SNTB1: variants seen among roughly 807,000 people sequenced by gnomAD.
The protein encoded by SNTB1 is beta-1-syntrophin.
Under a neutral mutation model 48.9 loss-of-function variants are expected in SNTB1, and 36 were observed. The observed-to-expected ratio is 0.74, with a 90% CI of 0.56 to 0.97. The LOEUF is 0.97. Among genes scored for constraint, SNTB1 ranks in the 50% least tolerant of loss-of-function variants. The pLI, the probability that SNTB1 is intolerant of heterozygous loss-of-function variation, is 0.00. For missense variants in SNTB1, 786 were observed against 703.4 expected (o/e 1.12, Z -1.33); for synonymous variants, 299 against 294.6 (o/e 1.01, Z -0.15).
At chr8:120,595,066 C>G (rs577785401) in intron 3 of SNTB1, among the ~76,000 whole-genome samples, 1 of 152,164 alleles carries the variant, frequency 6.6e-6, no homozygotes, top group East Asian at 1.9e-4. Context: ...CAGATGTTAA[C>G]TCTCCTTGGT....
Position 120,538,656 on chromosome 8 carries a change from A to C in SNTB1, c.*221T>G. 1.6e-6 allele frequency: 1 copy of C among 616,634 alleles called. No homozygotes were observed. The highest frequency in any genetic ancestry group is 3.0e-6 in the Non-Finnish European group (1 of 328,938). The allele number at this position is 616,634 out of a possible 1,614,324, so 38.2% of individuals were successfully genotyped here. ...CCTCTTTAACCTTGTACTGTTCTAGAAAGTTTTACTCTGATATTTCTCATG... is the reference window on the plus strand; with the variant it reads ...CCTCTTTAACCTTGTACTGTTCTAGCAAGTTTTACTCTGATATTTCTCATG... On this transcript the variant is annotated 3_prime_UTR_variant, in exon 7 of 7. Coordinates refer to ENST00000517992, the MANE Select transcript of SNTB1 (RefSeq NM_021021.4).
intron 4 of SNTB1, among the ~76,000 whole-genome samples, chr8:120,573,792 T>C (rs898341474): frequency 6.6e-6 from 1 of 152,208 alleles, no homozygotes; most frequent in East Asian, 1.9e-4. Context: ...AGAATATCCT[T>C]TCTCCATTGT....
At chr8:120,629,119 A>G (rs1816937390) in intron 3 of SNTB1, among the ~76,000 whole-genome samples, 1 of 152,208 alleles carries the variant, frequency 6.6e-6, no homozygotes, top group Non-Finnish European at 1.5e-5. Flanking sequence ...AACAAGCTGT[A>G]CTGACACAGG....
chr8:120,590,669 TGTTTTCTTTTC>T (rs1563825588), intron 3 of SNTB1, among the ~76,000 whole-genome samples: 9 of 147,488 alleles, frequency 6.1e-5, no homozygotes, highest in African/African-American at 2.3e-4. Context: ...TTCTTTCTTT[TGTTTTCTTTTC>T]TTTTCTTTTT....
chr8:120,583,171 C>A lies in SNTB1; in HGVS notation c.997-7946G>T, dbSNP rs1406616322. On this transcript the variant is annotated intron_variant, in intron 3 of 6. Coordinates refer to ENST00000517992, the MANE Select transcript of SNTB1 (RefSeq NM_021021.4). ...GGGATGTATGAAGAATTGACAAATT[C>A]ATTGAAAGACAAACTACTAAAGCAT... is the stretch of plus-strand genomic sequence containing the variant. 3.9e-5 allele frequency among the ~76,000 whole-genome samples: 6 copies of A among 151,984 alleles called. No homozygotes were observed. The South Asian group carries it at 8.3e-4, about 21-fold the overall frequency.
intron 3 of SNTB1, among the ~76,000 whole-genome samples, chr8:120,624,573 G>C (rs972471141): frequency 3.4e-4 from 51 of 152,114 alleles, no homozygotes; most frequent in African/African-American, 1.2e-3. Context: ...CATGAACTTT[G>C]GGGACATATT....
intron 2 of SNTB1, among the ~76,000 whole-genome samples, chr8:120,685,369 A>G (rs902998433): frequency 6.6e-6 from 1 of 152,190 alleles, no homozygotes; most frequent in African/African-American, 2.4e-5. Flanking sequence ...GGAGATAGCC[A>G]TGTCCTCACT....
chr8:120,702,613 T>C (rs1477014204), intron 1 of SNTB1, among the ~76,000 whole-genome samples: 2 of 151,728 alleles, frequency 1.3e-5, no homozygotes, highest in Admixed American at 6.5e-5. Flanking sequence ...ATCAACAGCA[T>C]CAGGACCATA....
Position 120,811,844 on chromosome 8 carries a change from C to T in SNTB1, c.-1G>A. ...CCGCCGCCGCCGCCGCTACCGCCAT[C>T]TTTCCGGCATTCTTAAAATGCCATG... is the stretch of plus-strand genomic sequence containing the variant. On this transcript the variant is annotated 5_prime_UTR_variant, in exon 1 of 7. Transcript: ENST00000517992. The T allele has an allele frequency of 7.4e-7, 1 of 1,344,168 alleles. No individual in the cohort carries two copies. Among genetic ancestry groups the T allele is most frequent in the Non-Finnish European group, 9.5e-7 (1 of 1,051,636 alleles). The allele number at this position is 1,344,168 out of a possible 1,614,324, so 83.3% of individuals were successfully genotyped here. A position where few individuals can be genotyped will look rare whatever the true frequency, so the allele number is the denominator to read the frequency against.
intron 2 of SNTB1, among the ~76,000 whole-genome samples, chr8:120,644,600 G>C (rs1817252383): frequency 6.6e-6 from 1 of 151,990 alleles, no homozygotes; most frequent in South Asian, 2.1e-4. Context: ...CTTTGCTATT[G>C]TGAATAATGT....
chr8:120,806,843 A>C (rs373522372), intron 1 of SNTB1, among the ~76,000 whole-genome samples: 1 of 152,216 alleles, frequency 6.6e-6, no homozygotes, highest in Non-Finnish European at 1.5e-5. Flanking sequence ...AGATTCCTTA[A>C]AATTCAAATT....
At chr8:120,636,165 CAG>C (rs1485131302) in intron 2 of SNTB1, 1 of 192,490 alleles carries the variant, frequency 5.2e-6, no homozygotes, top group African/African-American at 2.4e-5. Flanking sequence ...AGACTCTCTG[CAG>C]AGTTTCCAGG....
chr8:120,723,469 G>A (rs1198458608), intron 1 of SNTB1, among the ~76,000 whole-genome samples: 1 of 151,864 alleles, frequency 6.6e-6, no homozygotes, highest in African/African-American at 2.4e-5. Context: ...ATGGATGAGT[G>A]TGATTGGCAT....
chr8:120,693,507 C>G (rs1389069073), intron 2 of SNTB1, among the ~76,000 whole-genome samples, 185 bp downstream of exon 2: 1 of 152,210 alleles, frequency 6.6e-6, no homozygotes, highest in East Asian at 1.9e-4. Context: ...TAGATTCTCT[C>G]TCTCCTCTGT....
At chr8:120,767,873 C>T (rs887183085) in intron 1 of SNTB1, among the ~76,000 whole-genome samples, 1 of 152,134 alleles carries the variant, frequency 6.6e-6, no homozygotes, top group Non-Finnish European at 1.5e-5. Context: ...CCAAGACTAA[C>T]CCTCTCTCAT....
chr8:120,629,677 G>A lies in SNTB1; in HGVS notation c.996+2767C>T, dbSNP rs186565743. ...ATATTTATTCAAAAAAATCTAGTTTGGATTTGTTCCCTTAAACTTGATCTA... is the reference window on the plus strand; with the variant it reads ...ATATTTATTCAAAAAAATCTAGTTTAGATTTGTTCCCTTAAACTTGATCTA... On this transcript the variant is annotated intron_variant, in intron 3 of 6. Transcript: ENST00000517992. Among the ~76,000 whole-genome samples, 1,077 of 152,266 alleles carry A rather than the reference G, an allele frequency of 7.1e-3. 20 individuals carry two copies. The highest frequency in any genetic ancestry group is 0.025 in the African/African-American group (1,020 of 41,544).
intron 4 of SNTB1, among the ~76,000 whole-genome samples, chr8:120,550,384 A>C (rs895225984): frequency 6.6e-6 from 1 of 152,068 alleles, no homozygotes; most frequent in South Asian, 2.1e-4. Context: ...TCTACTAAAA[A>C]TACAAAAATT....
chr8:120,635,929 C>T (rs550941004), intron 2 of SNTB1: 12 of 477,040 alleles, frequency 2.5e-5, no homozygotes, highest in Admixed American at 1.0e-4. Context: ...TTTTGCTAAC[C>T]GAATCTTGAT....
intron 1 of SNTB1, among the ~76,000 whole-genome samples, chr8:120,723,777 TA>T (rs1476999614): frequency 2.0e-5 from 3 of 152,196 alleles, no homozygotes; most frequent in Non-Finnish European, 4.4e-5. Context: ...AAGACTACCA[TA>T]AAGAACATGA....
Sources: allele counts gnomAD v4.1 joint callset (sites outside exome capture counted in the v4.1 genomes callset), GRCh38; gene constraint gnomAD v4.1.1; transcripts MANE v1.5; gene names NCBI Gene and HGNC (gene_info 2026-07-23, HGNC 2026-07-21).